WLS: variants seen among roughly 807,000 people sequenced by gnomAD.
The protein encoded by WLS is protein wntless homolog.
Under a neutral mutation model 62.8 loss-of-function variants are expected in WLS, and 23 were observed. The observed-to-expected ratio is 0.37, with a 90% CI of 0.26 to 0.52. The LOEUF (loss-of-function observed/expected upper bound fraction) is 0.52, where lower values mean the gene tolerates loss of function less well. WLS is among the 20% of genes least tolerant of loss of function. The pLI, the probability that WLS is intolerant of heterozygous loss-of-function variation, is 0.92. For missense variants in WLS, 615 were observed against 697.3 expected (o/e 0.88, Z 1.33); for synonymous variants, 246 against 244.1 (o/e 1.01, Z -0.07).
chr1:68,148,716 C>A (rs1646786035), intron 6 of WLS, 56 bp from the exon 7 acceptor site: 19 of 1,537,612 alleles, frequency 1.2e-5, no homozygotes, highest in Middle Eastern at 3.5e-4. Context: ...CCAAGCAATT[C>A]TATGGGGGAG....
rs1648540576 is a variant in WLS, at chr1:68,194,284, T to C, written c.107-57A>G. The C allele has an allele frequency of 4.4e-6, 7 of 1,578,068 alleles. No individual in the cohort carries two copies. In the East Asian group the frequency reaches 1.6e-4, roughly 35 times the overall value. ...AGCCATCTATTGAAACTACTGTTTCTGGTTAATATTCTTTCCACTGCTGTG... is the reference window on the plus strand; with the variant it reads ...AGCCATCTATTGAAACTACTGTTTCCGGTTAATATTCTTTCCACTGCTGTG... On this transcript the variant is annotated intron_variant, in intron 1 of 11. Coordinates refer to ENST00000262348, the MANE Select transcript of WLS (RefSeq NM_024911.7).
chr1:68,195,822 A>G (rs1648630029), intron 1 of WLS, among the ~76,000 whole-genome samples: 1 of 151,958 alleles, frequency 6.6e-6, no homozygotes, highest in Non-Finnish European at 1.5e-5. Context: ...ATTTTTTCTA[A>G]TATTTAAACA....
chr1:68,139,456 A>G (rs747067732), intron 10 of WLS, among the ~76,000 whole-genome samples: 2 of 152,218 alleles, frequency 1.3e-5, no homozygotes, highest in Non-Finnish European at 2.9e-5. Flanking sequence ...AAATACAGGT[A>G]CCTGCTGTCA....
chr1:68,128,779 C>T lies in WLS; in HGVS notation c.1517-2444G>A, dbSNP rs546006604. On this transcript the variant is annotated intron_variant, in intron 11 of 11. Coordinates refer to ENST00000262348, the MANE Select transcript of WLS (RefSeq NM_024911.7). ...TACAAATATTAATGCACTTAATTCTCATAGCAGTCCTCAGAGGCACTATTA... is the reference window on the plus strand; with the variant it reads ...TACAAATATTAATGCACTTAATTCTTATAGCAGTCCTCAGAGGCACTATTA... 1.9e-4 allele frequency among the ~76,000 whole-genome samples: 29 copies of T among 152,354 alleles called. No individual in the cohort carries two copies. In the South Asian group the frequency reaches 2.3e-3, roughly 12 times the overall value.
At chr1:68,150,161 A>G in intron 6 of WLS, 27 bp downstream of exon 6, 2 of 1,610,162 alleles carry the variant, frequency 1.2e-6, no homozygotes, top group Non-Finnish European at 1.7e-6. Flanking sequence ...GCTGGTACAG[A>G]CGTCTGTCCC....
intron 11 of WLS, chr1:68,098,807 T>G (rs1646040536): frequency 1.3e-6 from 2 of 1,580,660 alleles, no homozygotes; most frequent in Non-Finnish European, 8.6e-7. Context: ...TAAAAAAATA[T>G]GTAACATGGA....
At chr1:68,189,946 T>C (rs12409820) in intron 2 of WLS, among the ~76,000 whole-genome samples, 24,695 of 152,166 alleles carry the variant, frequency 0.16, 2,230 homozygotes, top group East Asian at 0.28. Context: ...GAGGCAGAGA[T>C]TGCCGTGAAC....
chr1:68,113,560 G>T (rs1358822246), intron 11 of WLS, among the ~76,000 whole-genome samples: 1 of 152,186 alleles, frequency 6.6e-6, no homozygotes, highest in Admixed American at 6.5e-5. Flanking sequence ...ACTTTGGCAG[G>T]TGTTAGGGCT....
chr1:68,230,537 GCCAAA>G (rs1434717714), intron 1 of WLS, among the ~76,000 whole-genome samples: 1 of 151,900 alleles, frequency 6.6e-6, no homozygotes, highest in Non-Finnish European at 1.5e-5. Context: ...ATTGCATGTA[GCCAAA>G]CAGAAGCTCC....
intron 1 of WLS, among the ~76,000 whole-genome samples, chr1:68,209,768 T>A (rs1364621876): frequency 6.6e-6 from 1 of 150,606 alleles, no homozygotes; most frequent in Non-Finnish European, 1.5e-5. Flanking sequence ...GCAACAAAAA[T>A]GAAACTCCGT....
chr1:68,131,160 C>T (rs369369532), intron 11 of WLS, among the ~76,000 whole-genome samples: 1 of 150,812 alleles, frequency 6.6e-6, no homozygotes, highest in Non-Finnish European at 1.5e-5. Context: ...ATCCACCTGC[C>T]TTGGACTCCC....
intron 10 of WLS, among the ~76,000 whole-genome samples, chr1:68,141,231 G>A (rs1176916486): frequency 6.6e-6 from 1 of 152,100 alleles, no homozygotes; most frequent in Non-Finnish European, 1.5e-5. Context: ...TCCTCTGTAA[G>A]TAACAGAATG....
intron 2 of WLS, among the ~76,000 whole-genome samples, chr1:68,170,127 T>C (rs1647124776): frequency 1.3e-5 from 2 of 151,558 alleles, no homozygotes; most frequent in South Asian, 4.2e-4. Flanking sequence ...GCCTGGCATA[T>C]AGTAAGCACT....
intron 5 of WLS, among the ~76,000 whole-genome samples, chr1:68,152,232 C>A (rs1313889229): frequency 6.6e-6 from 1 of 152,166 alleles, no homozygotes; most frequent in Non-Finnish European, 1.5e-5. Context: ...AAGTAAAGAG[C>A]TGGAATATTT....
intron 11 of WLS, among the ~76,000 whole-genome samples, chr1:68,115,333 G>C (rs906555497): frequency 6.6e-6 from 1 of 152,188 alleles, no homozygotes; most frequent in African/African-American, 2.4e-5. Context: ...TCTGCTGTGT[G>C]GTCAGACAAA....
chr1:68,150,447 A>C, intron 5 of WLS, 91 bp from the exon 6 acceptor site: 1 of 1,526,640 alleles, frequency 6.6e-7, no homozygotes, highest in African/African-American at 1.4e-5. Flanking sequence ...GAGACATGAG[A>C]TGTTACTTAT....
Position 68,137,893 on chromosome 1 carries a change from T to G in WLS, c.1403A>C (p.Gln468Pro), listed in dbSNP as rs1400480877. ...GCCTGTGAAAAAGGCACTGTTCACT[T>G]GGACTGTGACGCCGCCCCATTTCCA... ...GHWKWGGVTVQVNSAFFTGIY... is the reference protein window; with the variant it reads ...GHWKWGGVTVPVNSAFFTGIY... The change falls in exon 11 of 12, where the codon CAA becomes CCA. Residue 468 changes from glutamine to proline, a missense_variant. By Grantham distance (76) the Gln-to-Pro change is moderately conservative. Coordinates refer to ENST00000262348, the MANE Select transcript of WLS (RefSeq NM_024911.7). 1.2e-6 allele frequency: 2 copies of G among 1,613,892 alleles called. No homozygotes were observed. Among genetic ancestry groups the G allele is most frequent in the Non-Finnish European group, 8.5e-7 (1 of 1,179,924 alleles).
chr1:68,208,880 G>A (rs774905625), intron 1 of WLS, among the ~76,000 whole-genome samples: 1 of 152,128 alleles, frequency 6.6e-6, no homozygotes, highest in Non-Finnish European at 1.5e-5. Context: ...CCTGCACTGG[G>A]CCATCATCTT....
intron 11 of WLS, among the ~76,000 whole-genome samples, chr1:68,134,997 G>A (rs1646585265): frequency 6.6e-6 from 1 of 152,224 alleles, no homozygotes; most frequent in Non-Finnish European, 1.5e-5. Context: ...CAGTGTTAAA[G>A]TTGGACACGT....
Sources: allele counts gnomAD v4.1 joint callset (sites outside exome capture counted in the v4.1 genomes callset), GRCh38; gene constraint gnomAD v4.1.1; transcripts MANE v1.5; gene names NCBI Gene and HGNC (gene_info 2026-07-23, HGNC 2026-07-21).